APC: variants seen among roughly 807,000 people sequenced by gnomAD.
APC encodes the protein adenomatous polyposis coli protein.
A neutral mutation model predicts 247.0 loss-of-function variants in APC; 72 were observed. The ratio of observed to expected loss-of-function variants is 0.29; its 90% confidence interval spans 0.24 to 0.35. The LOEUF is 0.35. APC is among the 10% of genes least tolerant of loss of function. The pLI, the probability that APC is intolerant of heterozygous loss-of-function variation, is 1.00. For missense variants in APC, 3,400 were observed against 3,360.7 expected, an observed-to-expected ratio of 1.01 and a Z score of -0.29; for synonymous variants, 1,254 against 1,162.5, an observed-to-expected ratio of 1.08 and a Z score of -1.60.
At chr5:112,803,108 G>T (rs1580461609) in intron 8 of APC, among the ~76,000 whole-genome samples, 1 of 152,214 alleles carries the variant, frequency 6.6e-6, no homozygotes, top group South Asian at 2.1e-4. Context: ...GGGCCATTTA[G>T]TTGGCAAAAA....
intron 6 of APC, among the ~76,000 whole-genome samples, chr5:112,783,095 CT>C (rs1202585571): frequency 6.6e-6 from 1 of 151,670 alleles, no homozygotes; most frequent in Non-Finnish European, 1.5e-5. Flanking sequence ...TTAATGTGAG[CT>C]TTTTTTTAGA....
intron 1 of APC, among the ~76,000 whole-genome samples, chr5:112,730,805 T>C (rs1221908112): frequency 6.6e-6 from 1 of 152,138 alleles, no homozygotes; most frequent in Non-Finnish European, 1.5e-5. Flanking sequence ...TCTCCTCTAA[T>C]GTTGTGACTT....
intron 8 of APC, among the ~76,000 whole-genome samples, chr5:112,804,972 A>C (rs1761222094): frequency 6.6e-6 from 1 of 152,086 alleles, no homozygotes; most frequent in Non-Finnish European, 1.5e-5. Flanking sequence ...CAAGGCAAAA[A>C]ATATTTTTTT....
At chr5:112,809,976 A>G (rs1263399353) in intron 8 of APC, 3 of 327,396 alleles carry the variant, frequency 9.2e-6, no homozygotes, top group Non-Finnish European at 1.2e-5. Flanking sequence ...CAGCCTGGTG[A>G]CAGAGCAAGA....
intron 8 of APC, among the ~76,000 whole-genome samples, chr5:112,803,986 TCA>T (rs781148203): frequency 1.0e-3 from 153 of 152,320 alleles, no homozygotes; most frequent in Non-Finnish European, 1.5e-3. Flanking sequence ...CAAGAGTATC[TCA>T]CAATATTTGC....
chr5:112,783,287 C>T (rs771795472), intron 6 of APC, among the ~76,000 whole-genome samples: 9 of 152,014 alleles, frequency 5.9e-5, no homozygotes, highest in Non-Finnish European at 1.3e-4. Flanking sequence ...TCTGGAATGC[C>T]GTATCCTTCA....
intron 8 of APC, 94 bp from the exon 9 acceptor site, chr5:112,815,401 C>A: frequency 2.3e-6 from 2 of 872,274 alleles, no homozygotes; most frequent in Non-Finnish European, 1.9e-6. Flanking sequence ...AATTGTTTAT[C>A]ATACAGACAC....
At chr5:112,825,431 C>CATGT (rs1481340691) in intron 11 of APC, among the ~76,000 whole-genome samples, 1 of 152,168 alleles carries the variant, frequency 6.6e-6, no homozygotes, top group Non-Finnish European at 1.5e-5. Flanking sequence ...GGCATCTACC[C>CATGT]ATGTTTATAG....
At chr5:112,739,774 A>C (rs1457101879) in intron 1 of APC, among the ~76,000 whole-genome samples, 1 of 152,248 alleles carries the variant, frequency 6.6e-6, no homozygotes, top group Non-Finnish European at 1.5e-5. Flanking sequence ...ATGTCACATT[A>C]AAATTCCAAA....
At position 112,841,864 on chromosome 5, in the gene APC, T is replaced by G; in HGVS notation, c.6270T>G (p.His2090Gln). The change falls in exon 16 of 16, where the codon CAT (histidine) becomes CAG (glutamine). Residue 2090 changes from histidine to glutamine, a missense_variant. Around this residue, in one of 9 missense-constraint regions of APC, gnomAD observed 1,788 missense variants for 1,649.5 expected, o/e 1.08. Transcript: ENST00000257430. The surrounding 1 kb of genome is among the most constrained non-coding windows in gnomAD (Gnocchi z 4.6). Reference sequence around the variant, plus strand: ...ATATACAGAGACCAGATTCAGAACATGGTCTATCCCCTGATTCAGAAAATT... The same window carrying G: ...ATATACAGAGACCAGATTCAGAACAGGGTCTATCCCCTGATTCAGAAAATT... ...LKDIQRPDSEHGLSPDSENFD... is the reference protein window; with the variant it reads ...LKDIQRPDSEQGLSPDSENFD... 1 of 1,613,918 alleles carries G rather than the reference T, an allele frequency of 6.2e-7. No individual in the cohort carries two copies. The highest frequency in any genetic ancestry group is 1.1e-5 in the South Asian group (1 of 91,086).
chr5:112,758,040 G>A (rs1404971321), intron 2 of APC, among the ~76,000 whole-genome samples: 1 of 152,152 alleles, frequency 6.6e-6, no homozygotes. Flanking sequence ...TGGAAATAGA[G>A]GAAGTGGATA....
At chr5:112,788,583 G>A (rs907326625) in intron 6 of APC, among the ~76,000 whole-genome samples, 1 of 152,086 alleles carries the variant, frequency 6.6e-6, no homozygotes, top group Non-Finnish European at 1.5e-5. Context: ...CACATAGTAA[G>A]CAAATTATTA....
At chr5:112,794,457 G>C (rs1182715932) in intron 7 of APC, among the ~76,000 whole-genome samples, 1 of 152,122 alleles carries the variant, frequency 6.6e-6, no homozygotes, top group Non-Finnish European at 1.5e-5. Context: ...ATATCCTCCA[G>C]TTGGGTTCAA....
At chr5:112,725,203 C>A (rs1411823646) in intron 1 of APC, among the ~76,000 whole-genome samples, 1 of 152,050 alleles carries the variant, frequency 6.6e-6, no homozygotes, top group Non-Finnish European at 1.5e-5. Context: ...AAACTACTGA[C>A]CTCAGGTGGT....
chr5:112,810,217 G>A (rs1761853139), intron 8 of APC: 2 of 451,114 alleles, frequency 4.4e-6, no homozygotes, highest in Admixed American at 4.8e-5. Flanking sequence ...AATGGAGAGA[G>A]AAAGGATCCA....
At chr5:112,711,198 G>A (rs185845933) in intron 1 of APC, among the ~76,000 whole-genome samples, 4 of 152,270 alleles carry the variant, frequency 2.6e-5, no homozygotes, top group Middle Eastern at 3.4e-3. Flanking sequence ...GATCAGTGGC[G>A]GCATTAGATT....
rs467033 is a variant in APC, at chr5:112,777,830, A to T, written c.531+2093A>T. ...CACCAATTACTCCTTCAGGATCAAGACATCTGGCAAAGCCTTTTAGTTTGT... is the reference window on the plus strand; with the variant it reads ...CACCAATTACTCCTTCAGGATCAAGTCATCTGGCAAAGCCTTTTAGTTTGT... On this transcript the variant is annotated intron_variant, in intron 5 of 15. Transcript: ENST00000257430. 105,969 of 243,976 alleles carry T rather than the reference A, an allele frequency of 0.43. 26,495 individuals carry two copies. Among genetic ancestry groups the T allele is most frequent in the East Asian group, 0.67 (6,174 of 9,248 alleles). The allele number at this position is 243,976 out of a possible 1,614,324, so 15.1% of individuals were successfully genotyped here. A position where few individuals can be genotyped will look rare whatever the true frequency, so the allele number is the denominator to read the frequency against.
At chr5:112,782,688 A>G (rs1758480522) in intron 6 of APC, among the ~76,000 whole-genome samples, 1 of 152,214 alleles carries the variant, frequency 6.6e-6, no homozygotes, top group Non-Finnish European at 1.5e-5. Flanking sequence ...AGTAGAAAAT[A>G]TACATAAGTA....
chr5:112,835,211 T>A (rs549613599), intron 15 of APC, 46 bp downstream of exon 15: 2 of 1,494,326 alleles, frequency 1.3e-6, no homozygotes, highest in East Asian at 4.8e-5. Context: ...GAATTCATAC[T>A]CTCAAAAAGA....
Sources: allele counts gnomAD v4.1 joint callset (sites outside exome capture counted in the v4.1 genomes callset), GRCh38; gene constraint gnomAD v4.1.1; regional missense constraint gnomAD v4.1.1; non-coding constraint Gnocchi (gnomAD v3.1); transcripts MANE v1.5; gene names NCBI Gene and HGNC (gene_info 2026-07-23, HGNC 2026-07-21).